The following PCCA variants were observed in gnomAD, a reference collection of about 807,000 sequenced individuals.
PCCA encodes propionyl-CoA carboxylase subunit alpha.
A neutral mutation model predicts 101.3 loss-of-function variants in PCCA; 74 were observed. The ratio of observed to expected loss-of-function variants is 0.73; its 90% confidence interval spans 0.61 to 0.89. The LOEUF (loss-of-function observed/expected upper bound fraction) is 0.89, where lower values mean the gene tolerates loss of function less well. PCCA is among the 40% of genes least tolerant of loss of function. The pLI is 0.00. For missense variants in PCCA, 891 were observed against 907.0 expected (o/e 0.98, Z 0.23); for synonymous variants, 294 against 313.6 (o/e 0.94, Z 0.66).
chr13:100,373,495 G>A (rs1282946806), intron 19 of PCCA, among the ~76,000 whole-genome samples: 3 of 152,138 alleles, frequency 2.0e-5, no homozygotes, highest in South Asian at 2.1e-4. Flanking sequence ...TAAGCCAGGC[G>A]CAAAAGGACA....
intron 15 of PCCA, among the ~76,000 whole-genome samples, chr13:100,309,372 G>A (rs749971439): frequency 7.2e-5 from 11 of 152,170 alleles, no homozygotes; most frequent in Non-Finnish European, 1.5e-4. Flanking sequence ...CCTCCAGCCT[G>A]GGCAATAGAG....
chr13:100,452,785 G>A (rs778924654), intron 21 of PCCA, among the ~76,000 whole-genome samples: 6 of 152,126 alleles, frequency 3.9e-5, no homozygotes, highest in Admixed American at 6.5e-5. Flanking sequence ...TCTGCTCAGC[G>A]TGCTCTGCCC....
rs4772288 is a variant in PCCA at position 100,440,101 on chromosome 13, T to A, written c.1846-9151T>A. ...TAGTGTCACATGAATCTCATGTTAT[T>A]TACTGAAGAATACCAGATTAAATGG... On this transcript the variant is annotated intron_variant, in intron 20 of 23. Transcript: ENST00000376285. 6.2e-5 allele frequency among the ~76,000 whole-genome samples: 9 copies of A among 145,424 alleles called. No homozygotes were observed. In the East Asian group the frequency reaches 1.9e-3, roughly 31 times the overall value.
chr13:100,360,991 GA>G (rs1251059271), intron 18 of PCCA, among the ~76,000 whole-genome samples: 1 of 152,170 alleles, frequency 6.6e-6, no homozygotes, highest in Non-Finnish European at 1.5e-5. Flanking sequence ...ACTAAGGCAT[GA>G]AAAGACAGTG....
intron 6 of PCCA, among the ~76,000 whole-genome samples, chr13:100,199,241 G>A (rs111359499): frequency 4.6e-5 from 7 of 152,096 alleles, no homozygotes; most frequent in African/African-American, 9.6e-5. Context: ...GCTAACCTCC[G>A]GCCTCTCTCT....
At chr13:100,172,871 C>G (rs1240002011) in intron 6 of PCCA, among the ~76,000 whole-genome samples, 1 of 152,178 alleles carries the variant, frequency 6.6e-6, no homozygotes. Context: ...GATCACACAG[C>G]TGTTAGTGCC....
intron 19 of PCCA, among the ~76,000 whole-genome samples, chr13:100,410,954 TGTTA>T (rs1351667487): frequency 5.9e-5 from 9 of 152,162 alleles, no homozygotes; most frequent in Non-Finnish European, 1.2e-4. Flanking sequence ...GTAGCAAACT[TGTTA>T]GTTAGCCAGA....
At chr13:100,417,430 G>A (rs1056683731) in intron 19 of PCCA, among the ~76,000 whole-genome samples, 3 of 152,166 alleles carry the variant, frequency 2.0e-5, no homozygotes, top group Non-Finnish European at 2.9e-5. Flanking sequence ...ACTTCCATGT[G>A]TTTATTTCCC....
At chr13:100,132,615 G>A (rs566698224) in intron 4 of PCCA, among the ~76,000 whole-genome samples, 1 of 152,210 alleles carries the variant, frequency 6.6e-6, no homozygotes, top group South Asian at 2.1e-4. Flanking sequence ...TAGAACTGTT[G>A]TAAACATTTG....
chr13:100,521,832 C>T (rs2087322591), intron 22 of PCCA, among the ~76,000 whole-genome samples: 2 of 152,168 alleles, frequency 1.3e-5, no homozygotes, highest in Non-Finnish European at 2.9e-5. Flanking sequence ...GATATTGATC[C>T]GTGTTTTTCC....
intron 4 of PCCA, among the ~76,000 whole-genome samples, chr13:100,133,080 C>T (rs1461182428): frequency 6.6e-6 from 1 of 152,156 alleles, no homozygotes; most frequent in Non-Finnish European, 1.5e-5. Flanking sequence ...TGCCCGGCCT[C>T]ATTTTAACCA....
At chr13:100,362,303 AT>A (rs1259361000) in intron 18 of PCCA, among the ~76,000 whole-genome samples, 2 of 152,218 alleles carry the variant, frequency 1.3e-5, no homozygotes, top group African/African-American at 2.4e-5. Flanking sequence ...TTAAAAAAAA[AT>A]AACAGTTGCT....
intron 21 of PCCA, among the ~76,000 whole-genome samples, chr13:100,474,255 T>C (rs2083245831): frequency 6.6e-6 from 1 of 152,224 alleles, no homozygotes; most frequent in Admixed American, 6.5e-5. Flanking sequence ...AATTTGACTT[T>C]TAGTGGAATT....
intron 12 of PCCA, among the ~76,000 whole-genome samples, chr13:100,294,046 A>T (rs184933364): frequency 2.0e-5 from 3 of 152,306 alleles, no homozygotes; most frequent in African/African-American, 7.2e-5. Flanking sequence ...GTTTTCTCAA[A>T]GTTCTGGAGG....
intron 19 of PCCA, among the ~76,000 whole-genome samples, chr13:100,410,593 A>G: frequency 6.6e-6 from 1 of 152,214 alleles, no homozygotes; most frequent in South Asian, 2.1e-4. Context: ...TGTAGTGAGC[A>G]CCATGTGCAG....
At chr13:100,321,616 T>C in intron 16 of PCCA, among the ~76,000 whole-genome samples, 1 of 150,636 alleles carries the variant, frequency 6.6e-6, no homozygotes, top group African/African-American at 2.4e-5. Context: ...TGTGTGTGTG[T>C]GTGTGTGTGT....
At chr13:100,265,637 T>C (rs896638136) in intron 10 of PCCA, among the ~76,000 whole-genome samples, 4 of 152,102 alleles carry the variant, frequency 2.6e-5, no homozygotes. Context: ...AGATTTGTAT[T>C]TGGGTCGTAT....
chr13:100,513,414 TGCATCTAAAG>T (rs1450965043), intron 21 of PCCA, among the ~76,000 whole-genome samples: 1 of 152,198 alleles, frequency 6.6e-6, no homozygotes, highest in East Asian at 1.9e-4. Flanking sequence ...TAACAAAGAC[TGCATCTAAAG>T]GCATTGAGTT....
chr13:100,410,507 C>G (rs1214321977), intron 19 of PCCA, among the ~76,000 whole-genome samples: 1 of 152,192 alleles, frequency 6.6e-6, no homozygotes, highest in African/African-American at 2.4e-5. Context: ...TCCCAAAGTG[C>G]TGGGATTACA....
Sources: allele counts gnomAD v4.1 joint callset (sites outside exome capture counted in the v4.1 genomes callset), GRCh38; gene constraint gnomAD v4.1.1; transcripts MANE v1.5; gene names NCBI Gene and HGNC (gene_info 2026-07-23, HGNC 2026-07-21).